TET1: variants seen among roughly 807,000 people sequenced by gnomAD.
The protein encoded by TET1 is methylcytosine dioxygenase TET1.
Under a neutral mutation model 148.7 loss-of-function variants are expected in TET1, and 13 were observed. That is an observed-to-expected ratio of 0.09 (90% CI 0.06 to 0.14). The LOEUF (loss-of-function observed/expected upper bound fraction) is 0.14. Ranked by LOEUF, TET1 falls within the 10% of genes least tolerant of loss-of-function variation. The probability of loss-of-function intolerance (pLI) is 1.00; values close to 1 mark genes in which losing one functional copy is unlikely to be tolerated. For synonymous variants in TET1, 907 were observed against 937.2 expected (o/e 0.97, Z 0.59); for missense variants, 2,182 against 2,553.8 (o/e 0.85, Z 3.14).
chr10:68,690,856 C>T lies in TET1; in HGVS notation c.5453C>T (p.Pro1818Leu), dbSNP rs772501728. The part of the protein sequence containing the change: ...VQPEVKSETE[P>L]HFILKSSDNT... ...CCTGAAGTAAAAAGTGAAACCGAAC[C>T]CCATTTTATCTTAAAAAGTTCAGAC... Residue 1818 changes from proline (P) to leucine (L), a missense_variant, in exon 12 of 12, where the codon CCC (proline) becomes CTC (leucine). By Grantham distance (98) the Pro-to-Leu change is moderately conservative (BLOSUM62 -3). This residue lies in a region of TET1 where 380 missense variants were observed against 387.9 expected (regional missense o/e 0.98). Transcript: ENST00000373644. The T allele has an allele frequency of 7.4e-6, 12 of 1,613,144 alleles. No individual in the cohort carries two copies. The highest frequency in any genetic ancestry group is 1.0e-5 in the Non-Finnish European group (12 of 1,179,336).
At chr10:68,666,786 A>T (rs1367285679) in intron 6 of TET1, among the ~76,000 whole-genome samples, 3 of 152,140 alleles carry the variant, frequency 2.0e-5, no homozygotes, top group Non-Finnish European at 2.9e-5. Flanking sequence ...TAGTAACTTT[A>T]AAAAAACTAA....
At chr10:68,571,086 G>C in intron 1 of TET1, among the ~76,000 whole-genome samples, 1 of 151,432 alleles carries the variant, frequency 6.6e-6, no homozygotes, top group East Asian at 1.9e-4. Context: ...CGTCTCCTGG[G>C]TTCAAGAGAT....
At chr10:68,651,675 AG>A (rs2054938145) in intron 4 of TET1, among the ~76,000 whole-genome samples, 170 bp from the exon 5 acceptor site, 1 of 152,164 alleles carries the variant, frequency 6.6e-6, no homozygotes, top group African/African-American at 2.4e-5. Context: ...GAACATTAAA[AG>A]TTAAATTTCA....
At chr10:68,653,444 C>T (rs2054970199) in intron 6 of TET1, among the ~76,000 whole-genome samples, 1 of 152,102 alleles carries the variant, frequency 6.6e-6, no homozygotes, top group Non-Finnish European at 1.5e-5. Context: ...TCTGACTATT[C>T]TGGTTTATTT....
At chr10:68,609,725 A>G (rs534821729) in intron 3 of TET1, among the ~76,000 whole-genome samples, 5 of 152,312 alleles carry the variant, frequency 3.3e-5, no homozygotes, top group African/African-American at 1.2e-4. Flanking sequence ...AACTTATTCT[A>G]GGAGTTTGGT....
At chr10:68,605,470 A>G (rs1252924569) in intron 3 of TET1, among the ~76,000 whole-genome samples, 1 of 152,230 alleles carries the variant, frequency 6.6e-6, no homozygotes, top group Non-Finnish European at 1.5e-5. Context: ...ATCTAGGGAA[A>G]GATACTTAAC....
chr10:68,612,103 T>A (rs1020207857), intron 3 of TET1, among the ~76,000 whole-genome samples: 2 of 151,716 alleles, frequency 1.3e-5, no homozygotes, highest in Admixed American at 6.6e-5. Context: ...CTTTTTTTTT[T>A]TTATTTGACA....
chr10:68,597,733 A>T (rs1468280205), intron 2 of TET1, among the ~76,000 whole-genome samples: 3 of 152,264 alleles, frequency 2.0e-5, no homozygotes, highest in Admixed American at 2.0e-4. Flanking sequence ...AAAATGTGTT[A>T]TGTACATACA....
chr10:68,561,281 G>A (rs1255182606), intron 1 of TET1, among the ~76,000 whole-genome samples: 3 of 152,094 alleles, frequency 2.0e-5, no homozygotes, highest in Admixed American at 2.0e-4. Context: ...TGAGAGACAG[G>A]TTGGTAGGGA....
At chr10:68,598,535 G>A (rs1246439439) in intron 2 of TET1, among the ~76,000 whole-genome samples, 2 of 152,058 alleles carry the variant, frequency 1.3e-5, no homozygotes, top group Non-Finnish European at 2.9e-5. Flanking sequence ...CAGTTTCAAT[G>A]CTGCTTTATT....
At chr10:68,683,155 A>G (rs1191070584) in intron 10 of TET1, among the ~76,000 whole-genome samples, 182 bp downstream of exon 10, 1 of 152,238 alleles carries the variant, frequency 6.6e-6, no homozygotes, top group Non-Finnish European at 1.5e-5. Flanking sequence ...CATTAAATGC[A>G]TTATCTATGC....
chr10:68,575,549 A>T (rs912353834), intron 2 of TET1, among the ~76,000 whole-genome samples: 2 of 151,838 alleles, frequency 1.3e-5, no homozygotes, highest in African/African-American at 4.8e-5. Flanking sequence ...CTAAAAATAC[A>T]AAATTAGCTG....
In TET1 at chr10:68,645,777, C is replaced by T. The variant is rs2054834197; in HGVS notation, c.3048C>T (p.Asp1016=). The change falls in exon 4 of 12, where the codon GAC becomes GAT. Residue 1016 remains aspartate, a synonymous_variant. Transcript: ENST00000373644. ...CAAAATCAAATTCATCCAAGATTGACACCAATAAAAGTATTGCTCAAGGGA... is the reference window on the plus strand; with the variant it reads ...CAAAATCAAATTCATCCAAGATTGATACCAATAAAAGTATTGCTCAAGGGA... The part of the protein sequence containing the change: ...FIPKSNSSKI[D]TNKSIAQGII... 1.9e-6 allele frequency: 3 copies of T among 1,613,962 alleles called. No individual in the cohort carries two copies. The highest frequency in any genetic ancestry group is 1.3e-5 in the African/African-American group (1 of 74,910).
At chr10:68,596,794 C>T (rs918088206) in intron 2 of TET1, among the ~76,000 whole-genome samples, 9 of 152,162 alleles carry the variant, frequency 5.9e-5, no homozygotes, top group Admixed American at 2.0e-4. Context: ...TAGGATGAGC[C>T]TTGGCTTTAT....
intron 2 of TET1, among the ~76,000 whole-genome samples, chr10:68,599,704 G>A (rs2054030270): frequency 2.0e-5 from 3 of 152,232 alleles, no homozygotes; most frequent in Non-Finnish European, 4.4e-5. Context: ...GGACTTGCTT[G>A]GCAGGTCTGC....
intron 6 of TET1, among the ~76,000 whole-genome samples, chr10:68,666,150 C>T (rs2055192886): frequency 6.6e-6 from 1 of 151,732 alleles, no homozygotes; most frequent in African/African-American, 2.4e-5. Context: ...AACACTCAGA[C>T]CACTGAGCAA....
chr10:68,596,027 C>CACATAT (rs71470531), intron 2 of TET1, among the ~76,000 whole-genome samples: 2,873 of 60,976 alleles, frequency 0.047, 129 homozygotes, highest in Non-Finnish European at 0.063. Context: ...CACACACACA[C>CACATAT]ATATATATAT....
intron 2 of TET1, among the ~76,000 whole-genome samples, chr10:68,579,175 G>A (rs998852173): frequency 2.6e-5 from 4 of 152,156 alleles, no homozygotes; most frequent in Non-Finnish European, 5.9e-5. Context: ...TAAGTTACTG[G>A]TTTGTAGCAT....
At chr10:68,643,353 A>G (rs2054789534) in intron 3 of TET1, among the ~76,000 whole-genome samples, 1 of 151,988 alleles carries the variant, frequency 6.6e-6, no homozygotes, top group South Asian at 2.1e-4. Flanking sequence ...CACAATGCCC[A>G]TGTCCAGCAG....
Sources: allele counts gnomAD v4.1 joint callset (sites outside exome capture counted in the v4.1 genomes callset), GRCh38; gene constraint gnomAD v4.1.1; regional missense constraint gnomAD v4.1.1; transcripts MANE v1.5; gene names NCBI Gene and HGNC (gene_info 2026-07-23, HGNC 2026-07-21).